ZNF536: variants seen among roughly 807,000 people sequenced by gnomAD.
ZNF536 encodes zinc finger protein 536.
In ZNF536, 13 loss-of-function variants were observed where a neutral mutation model predicts 84.5. The observed-to-expected ratio is 0.15, with a 90% CI of 0.10 to 0.24. The LOEUF is 0.24. Ranked by LOEUF, ZNF536 falls within the 10% of genes least tolerant of loss-of-function variation. The probability of loss-of-function intolerance (pLI) is 1.00; values close to 1 mark genes in which losing one functional copy is unlikely to be tolerated. For synonymous variants in ZNF536, 811 were observed against 742.5 expected, an observed-to-expected ratio of 1.09 and a Z score of -1.50; for missense variants, 1,536 against 1,747.5, an observed-to-expected ratio of 0.88 and a Z score of 2.16.
chr19:30,686,489 G>A (rs1490742233), intron 1 of ZNF536, among the ~76,000 whole-genome samples: 1 of 152,164 alleles, frequency 6.6e-6, no homozygotes, highest in South Asian at 2.1e-4. Context: ...CCCCAAGTGG[G>A]GCTCACACAG....
In ZNF536 at chr19:30,427,137, C is replaced by T. The variant is rs78025718; in HGVS notation, c.-2-16424C>T. On this transcript the variant is annotated intron_variant, in intron 1 of 4. Coordinates refer to ENST00000355537, the MANE Select transcript of ZNF536 (RefSeq NM_014717.3). ...TACCATCTGGCCTCTGTTTACCTAT[C>T]TGTAAAATGGGCACATCAGACCAAG... 2.2e-3 allele frequency among the ~76,000 whole-genome samples: 335 copies of T among 152,308 alleles called. 2 individuals are homozygous for T. The highest frequency in any genetic ancestry group is 6.8e-3 in the Middle Eastern group (2 of 294).
chr19:30,466,117 G>C (rs1281356214), intron 2 of ZNF536, among the ~76,000 whole-genome samples: 1 of 152,070 alleles, frequency 6.6e-6, no homozygotes, highest in East Asian at 1.9e-4. Context: ...TCAGAAGGGA[G>C]GAGGCTGAGG....
chr19:30,541,933 T>C (rs1352269857), intron 3 of ZNF536, among the ~76,000 whole-genome samples: 1 of 152,188 alleles, frequency 6.6e-6, no homozygotes, highest in East Asian at 1.9e-4. Context: ...GTACAATTTA[T>C]ATTAATGTAC....
intron 1 of ZNF536, among the ~76,000 whole-genome samples, chr19:30,378,113 G>A (rs1385535329): frequency 6.6e-6 from 1 of 152,002 alleles, no homozygotes; most frequent in Non-Finnish European, 1.5e-5. Context: ...GGCAATGAGT[G>A]GAGGCTTCTT....
chr19:30,336,800 G>A lies in ZNF536; in HGVS notation c.-119-15568G>A, dbSNP rs191033396. On this transcript the variant is annotated intron_variant, in intron 2 of 5. Coordinates refer to the ZNF536 transcript ENST00000585628. ...CCCCTGATGTTATTTTAAGGTGGTG[G>A]TTTTTTCATATTCAATTATGAATGA... 4.2e-3 allele frequency among the ~76,000 whole-genome samples: 639 copies of A among 152,304 alleles called. 1 individual carries two copies. Among genetic ancestry groups the A allele is most frequent in the Non-Finnish European group, 7.2e-3 (493 of 68,020 alleles).
At chr19:30,505,001 C>T (rs930622485) in intron 2 of ZNF536, among the ~76,000 whole-genome samples, 5 of 152,066 alleles carry the variant, frequency 3.3e-5, no homozygotes, top group African/African-American at 1.2e-4. Context: ...GATTGATTTG[C>T]TCCTCCAACC....
intron 1 of ZNF536, among the ~76,000 whole-genome samples, chr19:30,598,987 T>C (rs1022400275): frequency 3.3e-3 from 82 of 25,070 alleles, no homozygotes; most frequent in African/African-American, 0.01. Flanking sequence ...CTCCCTCCCT[T>C]CCTTCCTCCC....
chr19:30,476,062 G>A (rs182347525), intron 2 of ZNF536, among the ~76,000 whole-genome samples: 18 of 152,282 alleles, frequency 1.2e-4, no homozygotes, highest in Admixed American at 3.3e-4. Context: ...CCAAGGGCTC[G>A]TCTTCTGAAG....
At chr19:30,334,834 A>C (rs1214220750) in intron 2 of ZNF536, among the ~76,000 whole-genome samples, 2 of 152,224 alleles carry the variant, frequency 1.3e-5, no homozygotes, top group African/African-American at 4.8e-5. Context: ...GTTCCACCTC[A>C]GATCGTCAAG....
At chr19:30,301,221 A>C (rs2046171270) in intron 2 of ZNF536, among the ~76,000 whole-genome samples, 1 of 152,192 alleles carries the variant, frequency 6.6e-6, no homozygotes, top group African/African-American at 2.4e-5. Context: ...AGCATAGAGC[A>C]GGGAAACCGG....
chr19:30,671,421 G>C (rs1236816290), intron 1 of ZNF536, among the ~76,000 whole-genome samples: 3 of 152,210 alleles, frequency 2.0e-5, no homozygotes, highest in Admixed American at 1.3e-4. Context: ...CAGTGACCAG[G>C]GACAGGCCTG....
intron 2 of ZNF536, among the ~76,000 whole-genome samples, chr19:30,476,298 G>A (rs868785781): frequency 1.3e-5 from 2 of 152,174 alleles, no homozygotes; most frequent in Admixed American, 6.5e-5. Context: ...GTTAATCCGT[G>A]GACTCTGGCC....
chr19:30,508,448 A>C (rs1652276274), intron 2 of ZNF536, among the ~76,000 whole-genome samples: 1 of 152,184 alleles, frequency 6.6e-6, no homozygotes, highest in South Asian at 2.1e-4. Flanking sequence ...AGGTCAGAAA[A>C]GGACCCCATT....
chr19:30,697,085 C>T (rs2051692044), intron 1 of ZNF536, among the ~76,000 whole-genome samples: 1 of 152,164 alleles, frequency 6.6e-6, no homozygotes, highest in African/African-American at 2.4e-5. Flanking sequence ...AACTTACAGT[C>T]ATGGCGTAAG....
intron 1 of ZNF536, among the ~76,000 whole-genome samples, chr19:30,259,028 A>G (rs969988992): frequency 6.6e-6 from 1 of 152,038 alleles, no homozygotes; most frequent in Non-Finnish European, 1.5e-5. Context: ...AAAATTTTTT[A>G]TTTTTTTATT....
chr19:30,659,462 A>G (rs1405872086), intron 1 of ZNF536, among the ~76,000 whole-genome samples: 1 of 151,872 alleles, frequency 6.6e-6, no homozygotes, highest in African/African-American at 2.4e-5. Context: ...TGGGGATTAC[A>G]ATTTGTATTA....
At chr19:30,588,854 T>C (rs2047183415) in intron 1 of ZNF536, among the ~76,000 whole-genome samples, 1 of 152,170 alleles carries the variant, frequency 6.6e-6, no homozygotes, top group South Asian at 2.1e-4. Context: ...TCTTAAAAAA[T>C]AAAAAAGAAT....
At chr19:30,647,893 G>C (rs1033599445) in intron 1 of ZNF536, among the ~76,000 whole-genome samples, 1 of 152,206 alleles carries the variant, frequency 6.6e-6, no homozygotes, top group Non-Finnish European at 1.5e-5. Flanking sequence ...GTACAAGAGG[G>C]ACCTGGCCCC....
intron 1 of ZNF536, among the ~76,000 whole-genome samples, chr19:30,248,463 C>T (rs953756955): frequency 1.1e-4 from 16 of 149,714 alleles, no homozygotes; most frequent in African/African-American, 3.2e-4. Flanking sequence ...AGGCTCGTCT[C>T]GCACTTCTGG....
Sources: allele counts gnomAD v4.1 joint callset (sites outside exome capture counted in the v4.1 genomes callset), GRCh38; gene constraint gnomAD v4.1.1; transcripts MANE v1.5; gene names NCBI Gene and HGNC (gene_info 2026-07-23, HGNC 2026-07-21).